ZFP1: variants seen among roughly 807,000 people sequenced by gnomAD.
ZFP1 encodes zinc finger protein 1 homolog.
ZFP1 carries 32 observed loss-of-function variants against 38.5 expected under a neutral mutation model. That is an observed-to-expected ratio of 0.83 (90% CI 0.63 to 1.12). The LOEUF is 1.12. ZFP1 is among the 50% of genes most tolerant of loss of function. The probability of loss-of-function intolerance (pLI) is 0.00; values close to 1 mark genes in which losing one functional copy is unlikely to be tolerated. For missense variants in ZFP1, 616 were observed against 480.8 expected (o/e 1.28, Z -2.63); for synonymous variants, 245 against 168.8 (o/e 1.45, Z -3.50).
intron 2 of ZFP1, among the ~76,000 whole-genome samples, chr16:75,164,955 A>T (rs1383354258): frequency 2.0e-5 from 3 of 151,794 alleles, no homozygotes; most frequent in Non-Finnish European, 4.4e-5. Flanking sequence ...ACAGGCATGC[A>T]CTACTATGCC....
chr16:75,148,145 A>G (rs892310623), upstream of ZFP1, among the ~76,000 whole-genome samples: 2 of 152,252 alleles, frequency 1.3e-5, no homozygotes, highest in Admixed American at 6.5e-5. Flanking sequence ...TGCGAACTTA[A>G]TGTTATACGC....
intron 2 of ZFP1, among the ~76,000 whole-genome samples, chr16:75,158,114 G>T (rs1200154386): frequency 1.3e-5 from 2 of 149,938 alleles, no homozygotes; most frequent in Admixed American, 1.3e-4. Context: ...TATGATTAGT[G>T]TTATGGTATA....
At position 75,169,302 on chromosome 16, in the gene ZFP1, C is replaced by G. The variant is rs148482195; in HGVS notation, c.192C>G (p.Asp64Glu). ...DQMERDHRNP[D>E]EQARQFLILK... ...TGGAGAGAGACCACAGAAACCCAGACGAGCAGGCGAGGCAATTTTTAATTC... is the reference window on the plus strand; with the variant it reads ...TGGAGAGAGACCACAGAAACCCAGAGGAGCAGGCGAGGCAATTTTTAATTC... The change falls in exon 4 of 4, where the codon GAC becomes GAG. Residue 64 changes from aspartate to glutamate, a missense_variant. Physicochemically the swap from Asp to Glu is conservative, Grantham distance 45. Coordinates refer to ENST00000570010, the MANE Select transcript of ZFP1 (RefSeq NM_153688.4). 6 of 1,613,842 alleles carry G rather than the reference C, an allele frequency of 3.7e-6. No homozygotes were observed. Among genetic ancestry groups the G allele is most frequent in the Non-Finnish European group, 5.1e-6 (6 of 1,179,942 alleles).
chr16:75,135,908 G>C, the ZFP1 span, among the ~76,000 whole-genome samples: 3 of 152,166 alleles, frequency 2.0e-5, no homozygotes, highest in Admixed American at 2.0e-4. Context: ...TCCACCTCTT[G>C]GGTTTCAGGC....
At chr16:75,165,918 G>C (rs186925327) in intron 2 of ZFP1, among the ~76,000 whole-genome samples, 1 of 151,948 alleles carries the variant, frequency 6.6e-6, no homozygotes, top group Admixed American at 6.6e-5. Context: ...TGTACCTTTT[G>C]CATTTCAGTT....
chr16:75,142,023 C>T, the ZFP1 span, among the ~76,000 whole-genome samples: 7 of 149,036 alleles, frequency 4.7e-5, no homozygotes, highest in East Asian at 1.4e-3. Context: ...CACTGCACTC[C>T]AGCCTGAACA....
the ZFP1 span, among the ~76,000 whole-genome samples, chr16:75,124,648 G>A: frequency 2.0e-5 from 3 of 150,296 alleles, no homozygotes; most frequent in South Asian, 4.2e-4. Context: ...TTAGCTGGAC[G>A]TGGCGGCAGG....
the ZFP1 span, among the ~76,000 whole-genome samples, chr16:75,126,654 T>A: frequency 6.6e-6 from 1 of 152,342 alleles, no homozygotes; most frequent in East Asian, 1.9e-4. Flanking sequence ...CCACCCACCT[T>A]GGCCTCCTTA....
chr16:75,119,316 AGGCCC>A, the ZFP1 span, among the ~76,000 whole-genome samples: 1 of 152,194 alleles, frequency 6.6e-6, no homozygotes, highest in African/African-American at 2.4e-5. Flanking sequence ...CAATTTGCTG[AGGCCC>A]GGAAGCACAC....
At chr16:75,162,823 C>T (rs1183101743) in intron 2 of ZFP1, among the ~76,000 whole-genome samples, 1 of 152,056 alleles carries the variant, frequency 6.6e-6, no homozygotes, top group Non-Finnish European at 1.5e-5. Flanking sequence ...ATCCATGTTG[C>T]TGCAAAGGAT....
rs1294332023 is a variant in ZFP1 at position 75,149,731 on chromosome 16, A to G, written c.-44+1088A>G. Among the ~76,000 whole-genome samples, 3 of 151,252 alleles carry G rather than the reference A, an allele frequency of 2.0e-5. No individual in the cohort carries two copies. In the East Asian group the frequency reaches 5.8e-4, roughly 29 times the overall value. ...GAGCCACCGCGTCCGGCCAGACACA[A>G]TTTATTGATGTAACTGTTCCTCTAA... On this transcript the variant is annotated intron_variant, in intron 1 of 3. Coordinates refer to ENST00000570010, the MANE Select transcript of ZFP1 (RefSeq NM_153688.4).
the ZFP1 span, among the ~76,000 whole-genome samples, chr16:75,128,519 C>T: frequency 1.2e-4 from 19 of 152,184 alleles, no homozygotes; most frequent in Non-Finnish European, 2.4e-4. Context: ...TATAGTAACA[C>T]TCATTGTTAG....
chr16:75,123,017 A>C, the ZFP1 span, among the ~76,000 whole-genome samples: 5 of 152,190 alleles, frequency 3.3e-5, no homozygotes, highest in Non-Finnish European at 7.3e-5. Context: ...TTTGAATCTA[A>C]AGTTAAATAA....
chr16:75,162,984 A>C (rs2037861539), intron 2 of ZFP1, among the ~76,000 whole-genome samples: 1 of 148,692 alleles, frequency 6.7e-6, no homozygotes, highest in South Asian at 2.1e-4. Context: ...GTCTTGGCTC[A>C]CTGCAAGCTC....
rs762333956 is a variant in ZFP1 at position 75,170,371 on chromosome 16, A to T, written c.*37A>T. The T allele has an allele frequency of 2.6e-6, 4 of 1,526,182 alleles. No individual in the cohort carries two copies. Among genetic ancestry groups the T allele is most frequent in the Non-Finnish European group, 3.5e-6 (4 of 1,138,160 alleles). 94.5% of individuals were successfully genotyped at this position (1,526,182 alleles called of 1,614,324 possible). A position where few individuals can be genotyped will look rare whatever the true frequency, so the allele number is the denominator to read the frequency against. On this transcript the variant is annotated 3_prime_UTR_variant, in exon 4 of 4. Coordinates refer to ENST00000570010, the MANE Select transcript of ZFP1 (RefSeq NM_153688.4). ...GGTCTTACTGTGGAAAACTCCTGCC[A>T]GAACTCTTCAAGCGGGTGAAAAACC...
chr16:75,166,530 ATAG>A, intron 2 of ZFP1: 1 of 985,180 alleles, frequency 1.0e-6, no homozygotes, highest in Admixed American at 6.1e-5. Flanking sequence ...TGCCTGGCCA[ATAG>A]TGTTTTATTA....
At chr16:75,142,057 GA>G in the ZFP1 span, among the ~76,000 whole-genome samples, 56,505 of 119,008 alleles carry the variant, frequency 0.47, 12,088 homozygotes, top group Middle Eastern at 0.58. Flanking sequence ...CCATCTCAAA[GA>G]AAAAAAAAAA....
At chr16:75,123,961 G>C in the ZFP1 span, among the ~76,000 whole-genome samples, 1 of 151,480 alleles carries the variant, frequency 6.6e-6, no homozygotes, top group Non-Finnish European at 1.5e-5. Flanking sequence ...GGGCCTGATA[G>C]CACGCACCTG....
chr16:75,157,031 G>C (rs2037501519), intron 2 of ZFP1: 1 of 152,180 alleles, frequency 6.6e-6, no homozygotes, highest in African/African-American at 2.4e-5. Flanking sequence ...TACAAGTAAT[G>C]TGGTGTTAGT....
Sources: allele counts gnomAD v4.1 joint callset (sites outside exome capture counted in the v4.1 genomes callset), GRCh38; gene constraint gnomAD v4.1.1; transcripts MANE v1.5; gene names NCBI Gene and HGNC (gene_info 2026-07-23, HGNC 2026-07-21).